Variants in STAM2 observed in about 807,000 individuals in gnomAD.
STAM2 encodes the protein signal transducing adapter molecule 2.
A neutral mutation model predicts 65.6 loss-of-function variants in STAM2; 51 were observed. That is an observed-to-expected ratio of 0.78 (90% CI 0.62 to 0.98). The LOEUF is 0.98. Ranked by LOEUF, STAM2 falls within the 50% of genes least tolerant of loss-of-function variation. The pLI is 0.00. For synonymous variants in STAM2, 198 were observed against 208.4 expected (o/e 0.95, Z 0.43); for missense variants, 584 against 617.8 (o/e 0.95, Z 0.58).
intron 7 of STAM2, among the ~76,000 whole-genome samples, chr2:152,141,151 A>AAG (rs1689239592): frequency 6.6e-6 from 1 of 151,296 alleles, no homozygotes; most frequent in African/African-American, 2.4e-5. Flanking sequence ...AAAAAAAAAA[A>AAG]AAAAGAAAAG....
intron 11 of STAM2, among the ~76,000 whole-genome samples, chr2:152,130,353 G>A (rs771599092): frequency 6.6e-6 from 1 of 152,040 alleles, no homozygotes; most frequent in African/African-American, 2.4e-5. Flanking sequence ...CTGGGTTAAC[G>A]CCATTCTCCT....
intron 11 of STAM2, among the ~76,000 whole-genome samples, chr2:152,126,914 T>C (rs1280739422): frequency 1.3e-5 from 2 of 152,230 alleles, no homozygotes; most frequent in African/African-American, 2.4e-5. Context: ...TCTGATTGGT[T>C]GCTTTTTGCA....
intron 2 of STAM2, among the ~76,000 whole-genome samples, chr2:152,149,598 A>G (rs1174169718): frequency 1.3e-5 from 2 of 151,356 alleles, no homozygotes; most frequent in Non-Finnish European, 2.9e-5. Context: ...CCTGGGTTCA[A>G]GCGATTTTCC....
At chr2:152,165,516 T>TA (rs979600798) in intron 1 of STAM2, among the ~76,000 whole-genome samples, 2 of 152,112 alleles carry the variant, frequency 1.3e-5, no homozygotes, top group African/African-American at 4.8e-5. Flanking sequence ...GGCAGATGAT[T>TA]ACATTACCTC....
At chr2:152,136,346 C>T (rs772409626) in intron 7 of STAM2, among the ~76,000 whole-genome samples, 1 of 151,056 alleles carries the variant, frequency 6.6e-6, no homozygotes, top group Non-Finnish European at 1.5e-5. Context: ...GGGAGGCTGA[C>T]GCAGGAGAAT....
intron 5 of STAM2, among the ~76,000 whole-genome samples, chr2:152,146,738 T>C (rs1689342819): frequency 6.6e-6 from 1 of 152,214 alleles, no homozygotes; most frequent in Admixed American, 6.5e-5. Context: ...TTCCAATCTG[T>C]AGTCACCTCT....
intron 1 of STAM2, among the ~76,000 whole-genome samples, chr2:152,168,306 A>G (rs916089743): frequency 1.3e-5 from 2 of 151,970 alleles, no homozygotes; most frequent in African/African-American, 4.8e-5. Flanking sequence ...GACTACAGGC[A>G]TGCACCACAT....
chr2:152,129,113 CA>C (rs1271016417), intron 11 of STAM2, among the ~76,000 whole-genome samples: 1 of 152,076 alleles, frequency 6.6e-6, no homozygotes, highest in Non-Finnish European at 1.5e-5. Context: ...AGTTCTCACT[CA>C]AAAAATTAAC....
Position 152,133,346 on chromosome 2 carries a change from G to T in STAM2, c.882+56C>A. 3.2e-6 allele frequency: 5 copies of T among 1,543,864 alleles called. No individual in the cohort carries two copies. The South Asian group carries it at 3.4e-5, about 11-fold the overall frequency. On this transcript the variant is annotated intron_variant, in intron 9 of 13. Transcript: ENST00000263904. ...ATTACTCTTTCCAAGCATTCTCAAAGATAGTACATTTAAATGTCTTGATAG... is the reference window on the plus strand; with the variant it reads ...ATTACTCTTTCCAAGCATTCTCAAATATAGTACATTTAAATGTCTTGATAG...
intron 1 of STAM2, among the ~76,000 whole-genome samples, chr2:152,162,807 A>ATTTT (rs11424941): frequency 6.9e-6 from 1 of 145,440 alleles, no homozygotes; most frequent in Non-Finnish European, 1.5e-5. Flanking sequence ...TGCCTGGGTA[A>ATTTT]TTTTTTTTTT....
chr2:152,142,913 T>G (rs1689274667), intron 7 of STAM2, among the ~76,000 whole-genome samples: 1 of 152,248 alleles, frequency 6.6e-6, no homozygotes, highest in Admixed American at 6.5e-5. Context: ...GATACACACC[T>G]GAAATGGAGC....
intron 1 of STAM2, among the ~76,000 whole-genome samples, chr2:152,163,412 T>C (rs1439511967): frequency 6.6e-6 from 1 of 152,238 alleles, no homozygotes; most frequent in African/African-American, 2.4e-5. Context: ...AAGCTGAGAA[T>C]GTATGTCAAC....
At chr2:152,138,156 A>T (rs1579317977) in intron 7 of STAM2, among the ~76,000 whole-genome samples, 1 of 152,204 alleles carries the variant, frequency 6.6e-6, no homozygotes, top group Non-Finnish European at 1.5e-5. Flanking sequence ...CAATAATATA[A>T]GAAAAAAGAA....
chr2:152,140,724 C>G (rs978810392), intron 7 of STAM2, among the ~76,000 whole-genome samples: 9 of 152,196 alleles, frequency 5.9e-5, no homozygotes. Context: ...CCTCCTTCAG[C>G]AGGGCTTTCC....
chr2:152,138,826 G>A (rs1579318279), intron 7 of STAM2, among the ~76,000 whole-genome samples: 1 of 152,244 alleles, frequency 6.6e-6, no homozygotes, highest in East Asian at 1.9e-4. Flanking sequence ...TTTTGAAAAG[G>A]AGAGCTGAAC....
At position 152,122,072 on chromosome 2, in the gene STAM2, A is replaced by ATGTG. The variant is rs766266255; in HGVS notation, c.1350-1271_1350-1270insCACA. 4.0e-3 allele frequency among the ~76,000 whole-genome samples: 428 copies of ATGTG among 108,298 alleles called. 1 individual carries two copies. The highest frequency in any genetic ancestry group is 0.015 in the Admixed American group (141 of 9,656). 71.0% of individuals were successfully genotyped at this position (108,298 alleles called of 152,430 possible). Reference sequence around the variant, plus strand: ...CCAAAAAAAAAATATATATATATATATATATGTGTGTGTGTGTGTGTGTGT... The same window carrying ATGTG: ...CCAAAAAAAAAATATATATATATATATGTGTATATGTGTGTGTGTGTGTGTGTGT... On this transcript the variant is annotated intron_variant, in intron 13 of 13. Transcript: ENST00000263904.
chr2:152,137,355 G>A (rs1454346864), intron 7 of STAM2, among the ~76,000 whole-genome samples: 6 of 152,142 alleles, frequency 3.9e-5, no homozygotes, highest in Admixed American at 3.9e-4. Flanking sequence ...GTATTTCATT[G>A]TATGCACTTG....
At chr2:152,130,293 C>T (rs1689035723) in intron 11 of STAM2, among the ~76,000 whole-genome samples, 1 of 151,918 alleles carries the variant, frequency 6.6e-6, no homozygotes, top group Admixed American at 6.6e-5. Context: ...GCTCTTTTGC[C>T]CAGGCTGGAG....
chr2:152,136,855 C>T (rs1345523795), intron 7 of STAM2, among the ~76,000 whole-genome samples: 3 of 151,348 alleles, frequency 2.0e-5, no homozygotes, highest in Middle Eastern at 6.8e-3. Context: ...TATTCACAGA[C>T]GTGAACTTGC....
Sources: gnomAD v4.1 joint callset for allele counts (sites outside exome capture counted in the v4.1 genomes callset) on GRCh38, gnomAD v4.1.1 for gene constraint, MANE v1.5 for transcripts, NCBI Gene and HGNC (gene_info 2026-07-23, HGNC 2026-07-21) for gene names.